Variants in AGAP1 observed in about 807,000 individuals in gnomAD.
AGAP1 encodes the protein ArfGAP with GTPase domain, ankyrin repeat and PH domain 1.
Under a neutral mutation model 105.3 loss-of-function variants are expected in AGAP1, and 29 were observed. The observed-to-expected ratio is 0.28, with a 90% CI of 0.21 to 0.38. AGAP1 has a LOEUF of 0.38. AGAP1 is among the 10% of genes least tolerant of loss of function. The pLI, the probability that AGAP1 is intolerant of heterozygous loss-of-function variation, is 1.00. For synonymous variants in AGAP1, 509 were observed against 485.9 expected (o/e 1.05, Z -0.63); for missense variants, 998 against 1,165.1 (o/e 0.86, Z 2.09).
In AGAP1 at chr2:236,096,935, A is replaced by C. The variant is rs1047444639; in HGVS notation, c.2115-23257A>C. On this transcript the variant is annotated intron_variant, in intron 16 of 17. Transcript: ENST00000304032. This position sits in a 1 kb window ranked among gnomAD's most constrained non-coding sequence, Gnocchi z 4.4. ...CCTTGCCGTATCACGTGGCCAATCC[A>C]TTCATCTGACTTTTTTACCAAATGC... is the stretch of plus-strand genomic sequence containing the variant. Among the ~76,000 whole-genome samples the C allele has an allele frequency of 2.6e-5, 4 of 152,148 alleles. No homozygotes were observed. The highest frequency in any genetic ancestry group is 9.7e-5 in the African/African-American group (4 of 41,440).
chr2:235,706,078 A>G (rs1950518681), intron 1 of AGAP1, among the ~76,000 whole-genome samples: 1 of 152,240 alleles, frequency 6.6e-6, no homozygotes, highest in Admixed American at 6.5e-5. Context: ...GAAGGTAACA[A>G]TGAAAGGAAA....
rs141551052 is a variant in AGAP1 at position 235,989,704 on chromosome 2, G to T, written c.1645+21081G>T. On this transcript the variant is annotated intron_variant, in intron 13 of 17. Coordinates refer to ENST00000304032, the MANE Select transcript of AGAP1 (RefSeq NM_001037131.3). The surrounding 1 kb of genome is among the most constrained non-coding windows in gnomAD (Gnocchi z 4.4). ...AAAGAGTCATGAATCAAGGAGCCCA[G>T]GAGGACGGGGAATCCCTGGAGGAGG... Among the ~76,000 whole-genome samples the T allele has an allele frequency of 3.5e-3, 534 of 152,296 alleles. 1 individual carries two copies. The highest frequency in any genetic ancestry group is 4.0e-3 in the Non-Finnish European group (269 of 68,010).
intron 1 of AGAP1, among the ~76,000 whole-genome samples, chr2:235,619,227 A>C (rs1168942695): frequency 6.6e-6 from 1 of 152,232 alleles, no homozygotes; most frequent in Non-Finnish European, 1.5e-5. Flanking sequence ...TAGGGAACTC[A>C]CGCAGTAAGG....
chr2:235,968,599 G>A lies in AGAP1; in HGVS notation c.1621G>A (p.Asp541Asn), dbSNP rs754610361. ...RKKSTSNFKA[D>N]GLSGTAEEQE... ...GAAAAGCACTAGCAACTTCAAAGCC[G>A]ACGGCCTGTCCGGCACTGCTGAAGG... Residue 541 changes from aspartate (D) to asparagine (N), a missense_variant, in exon 13 of 18, where the codon GAC (aspartate) becomes AAC (asparagine). Asp to Asn is a conservative substitution (Grantham distance 23). Transcript: ENST00000304032. 2.9e-5 allele frequency: 46 copies of A among 1,607,250 alleles called. No individual in the cohort carries two copies. Among genetic ancestry groups the A allele is most frequent in the Middle Eastern group, 1.7e-4 (1 of 6,056 alleles).
At chr2:235,849,436 G>A (rs188987751) in intron 9 of AGAP1, among the ~76,000 whole-genome samples, 97 of 151,910 alleles carry the variant, frequency 6.4e-4, no homozygotes, top group African/African-American at 2.2e-3. Flanking sequence ...TCGGAGTGGT[G>A]TAGATGATAG....
intron 1 of AGAP1, among the ~76,000 whole-genome samples, chr2:235,695,837 G>A (rs1319284040): frequency 6.6e-6 from 1 of 152,152 alleles, no homozygotes; most frequent in African/African-American, 2.4e-5. Flanking sequence ...CAAGGAGGTG[G>A]CTTCTTTTCT....
intron 13 of AGAP1, among the ~76,000 whole-genome samples, chr2:236,031,004 G>A (rs1397825692): frequency 6.6e-6 from 1 of 152,170 alleles, no homozygotes; most frequent in African/African-American, 2.4e-5. Flanking sequence ...ATCATTAACA[G>A]AAATACAGAA....
chr2:235,777,570 T>C lies in AGAP1; in HGVS notation c.674-20189T>C, dbSNP rs1432253253. ...CTGTACTCGCCATGTCCTGTTGCCA[T>C]AGAGGACGAGTCACAGCTGTCTCAC... On this transcript the variant is annotated intron_variant, in intron 6 of 17. Coordinates refer to ENST00000304032, the MANE Select transcript of AGAP1 (RefSeq NM_001037131.3). The surrounding 1 kb of genome is among the most constrained non-coding windows in gnomAD (Gnocchi z 5.1). 6.6e-6 allele frequency among the ~76,000 whole-genome samples: 1 copy of C among 152,176 alleles called. No individual in the cohort carries two copies. Among genetic ancestry groups the C allele is most frequent in the African/African-American group, 2.4e-5 (1 of 41,442 alleles).
chr2:235,593,397 A>G (rs993527276), intron 1 of AGAP1, among the ~76,000 whole-genome samples: 1 of 151,344 alleles, frequency 6.6e-6, no homozygotes, highest in Non-Finnish European at 1.5e-5. Flanking sequence ...TTACAGTGAT[A>G]TTAGTATGTT....
chr2:235,727,818 A>T (rs766181780), intron 3 of AGAP1, among the ~76,000 whole-genome samples: 1 of 152,126 alleles, frequency 6.6e-6, no homozygotes, highest in African/African-American at 2.4e-5. Flanking sequence ...TCAGGGTTCA[A>T]TGGTTTCCTC....
At chr2:235,686,643 ATAGATATATATATATATATATATTTTT>A (rs1949439748) in intron 1 of AGAP1, among the ~76,000 whole-genome samples, 1 of 39,136 alleles carries the variant, frequency 2.6e-5, no homozygotes, top group African/African-American at 1.3e-4. Flanking sequence ...ATATATATAT[ATAGATATATATATATATATATATTTTT>A]TTTTTTTTTT....
At chr2:235,617,016 C>T (rs964103749) in intron 1 of AGAP1, among the ~76,000 whole-genome samples, 4 of 151,188 alleles carry the variant, frequency 2.6e-5, no homozygotes, top group Non-Finnish European at 4.4e-5. Context: ...CATCAGCTCT[C>T]TAGGGATTGG....
chr2:235,595,612 C>T (rs1036945502), intron 1 of AGAP1, among the ~76,000 whole-genome samples: 1 of 152,190 alleles, frequency 6.6e-6, no homozygotes, highest in African/African-American at 2.4e-5. Context: ...CCAGCAGCCA[C>T]CAGCAGGTGG....
Position 235,535,223 on chromosome 2 carries a change from G to A in AGAP1, c.163+40374G>A, listed in dbSNP as rs1027252033. Among the ~76,000 whole-genome samples, 1 of 152,204 alleles carries A rather than the reference G, an allele frequency of 6.6e-6. No homozygotes were observed. Among genetic ancestry groups the A allele is most frequent in the African/African-American group, 2.4e-5 (1 of 41,540 alleles). On this transcript the variant is annotated intron_variant, in intron 1 of 17. Coordinates refer to ENST00000304032, the MANE Select transcript of AGAP1 (RefSeq NM_001037131.3). This position sits in a 1 kb window ranked among gnomAD's most constrained non-coding sequence, Gnocchi z 5.1. Reference sequence around the variant, plus strand: ...CATCGTTTGCAGGAGCGGAAGACCCGATGGAGCAGGTTTCACAGTGCCCTC... The same window carrying A: ...CATCGTTTGCAGGAGCGGAAGACCCAATGGAGCAGGTTTCACAGTGCCCTC...
intron 15 of AGAP1, among the ~76,000 whole-genome samples, chr2:236,041,312 G>A (rs2057543814): frequency 6.7e-6 from 1 of 149,056 alleles, no homozygotes; most frequent in South Asian, 2.1e-4. Flanking sequence ...GTTCATTCCT[G>A]CCTAGAGATT....
chr2:235,534,082 T>C (rs1393556988), intron 1 of AGAP1, among the ~76,000 whole-genome samples: 1 of 152,240 alleles, frequency 6.6e-6, no homozygotes. Flanking sequence ...ACAGCAGTCC[T>C]GTGGGCCGCA....
chr2:235,811,401 C>G lies in AGAP1; in HGVS notation c.1050+4070C>G, dbSNP rs79297150. Among the ~76,000 whole-genome samples the G allele has an allele frequency of 1.7e-3, 254 of 152,342 alleles. 2 individuals carry two copies. The highest frequency in any genetic ancestry group is 6.0e-3 in the African/African-American group (248 of 41,574). On this transcript the variant is annotated intron_variant, in intron 9 of 17. Coordinates refer to ENST00000304032, the MANE Select transcript of AGAP1 (RefSeq NM_001037131.3). ...CGTGCTTACGCAATTGAAAGCGTAT[C>G]ATTTTTACTTGGTGGGGACACACAG...
rs545678707 is a variant in AGAP1, at chr2:235,691,727, C to T, written c.164-17452C>T. 1.3e-5 allele frequency among the ~76,000 whole-genome samples: 2 copies of T among 152,340 alleles called. No individual in the cohort carries two copies. Among genetic ancestry groups the T allele is most frequent in the East Asian group, 1.9e-4 (1 of 5,174 alleles). On this transcript the variant is annotated intron_variant, in intron 1 of 17. Coordinates refer to ENST00000304032, the MANE Select transcript of AGAP1 (RefSeq NM_001037131.3). This position sits in a 1 kb window ranked among gnomAD's most constrained non-coding sequence, Gnocchi z 4.4. Reference sequence around the variant, plus strand: ...GAGGGGCCTCTTGGTCTGGGGACCACGCCTCCCTTCCCTTCCTTCCCTGTC... The same window carrying T: ...GAGGGGCCTCTTGGTCTGGGGACCATGCCTCCCTTCCCTTCCTTCCCTGTC...
intron 10 of AGAP1, among the ~76,000 whole-genome samples, chr2:235,902,442 C>A (rs1273749822): frequency 1.3e-5 from 2 of 152,194 alleles, no homozygotes; most frequent in Admixed American, 6.5e-5. Flanking sequence ...TATCCACATG[C>A]ATCCATGCAT....
Sources: gnomAD v4.1 joint callset for allele counts (sites outside exome capture counted in the v4.1 genomes callset) on GRCh38, gnomAD v4.1.1 for gene constraint, Gnocchi (gnomAD v3.1) non-coding constraint, MANE v1.5 for transcripts, NCBI Gene and HGNC (gene_info 2026-07-23, HGNC 2026-07-21) for gene names.